GP2: variants seen among roughly 807,000 people sequenced by gnomAD.
The protein encoded by GP2 is glycoprotein 2, also known as pancreatic secretory granule membrane major glycoprotein GP2.
Under a neutral mutation model 60.8 loss-of-function variants are expected in GP2, and 58 were observed. The observed-to-expected ratio is 0.95, with a 90% CI of 0.77 to 1.19. The LOEUF (loss-of-function observed/expected upper bound fraction) is 1.19, where lower values mean the gene tolerates loss of function less well. Among genes scored for constraint, GP2 ranks in the 50% most tolerant of loss-of-function variants. GP2 has a pLI of 0.00. For missense variants in GP2, 647 were observed against 667.4 expected (o/e 0.97, Z 0.34); for synonymous variants, 280 against 253.4 (o/e 1.10, Z -1.00).
In GP2 at chr16:20,319,636, A is replaced by G. The variant is rs780881412; in HGVS notation, c.991T>C (p.Leu331=). The part of the protein sequence containing the change: ...LDMKVSLQAA[L]QPIVSSLNVS... Reference sequence around the variant, plus strand: ...ATGCCATACCTTACAATGGGCTGCAAGGCAGCTTGGAGGCTGACTTTCATG... The same window carrying G: ...ATGCCATACCTTACAATGGGCTGCAGGGCAGCTTGGAGGCTGACTTTCATG... The change falls in exon 6 of 11, where the codon TTG becomes CTG. Residue 331 remains leucine, a synonymous_variant. Transcript: ENST00000302555. 1.9e-6 allele frequency: 3 copies of G among 1,612,888 alleles called. No individual in the cohort carries two copies. The highest frequency in any genetic ancestry group is 2.5e-6 in the Non-Finnish European group (3 of 1,178,824).
At chr16:20,322,444 T>C (rs1964392251) in intron 4 of GP2, among the ~76,000 whole-genome samples, 1 of 152,082 alleles carries the variant, frequency 6.6e-6, no homozygotes, top group South Asian at 2.1e-4. Flanking sequence ...GTATGGTGGG[T>C]ATTATTATTA....
chr16:20,320,208 G>A (rs1476107312), intron 5 of GP2, 54 bp downstream of exon 5: 3 of 1,269,726 alleles, frequency 2.4e-6, no homozygotes, highest in Non-Finnish European at 3.5e-6. Flanking sequence ...ACTATGATAG[G>A]TCCCATCAGC....
intron 4 of GP2, among the ~76,000 whole-genome samples, chr16:20,320,738 A>G (rs924636951): frequency 6.6e-6 from 1 of 152,164 alleles, no homozygotes; most frequent in African/African-American, 2.4e-5. Flanking sequence ...GGGAGGCAGG[A>G]TGGACTTGCA....
chr16:20,318,943 G>A (rs1359629720), intron 6 of GP2, among the ~76,000 whole-genome samples: 1 of 152,168 alleles, frequency 6.6e-6, no homozygotes, highest in Non-Finnish European at 1.5e-5. Flanking sequence ...TAGGGAATGA[G>A]ACGGGCACTC....
intron 10 of GP2, 58 bp downstream of exon 10, chr16:20,314,599 T>A: frequency 8.4e-7 from 1 of 1,196,906 alleles, no homozygotes; most frequent in African/African-American, 1.5e-5. Flanking sequence ...AGGGGCAGAA[T>A]TGAAAAGAGA....
chr16:20,316,443 G>A (rs765386459), intron 8 of GP2, among the ~76,000 whole-genome samples: 5 of 152,182 alleles, frequency 3.3e-5, no homozygotes, highest in African/African-American at 4.8e-5. Flanking sequence ...GCCACCTCTC[G>A]GCTGGGGCAC....
intron 4 of GP2, among the ~76,000 whole-genome samples, chr16:20,321,875 A>G (rs920921184): frequency 6.6e-5 from 10 of 152,206 alleles, no homozygotes; most frequent in Non-Finnish European, 1.3e-4. Context: ...TCACTCAGTC[A>G]GCTGAGACTG....
chr16:20,322,739 A>G (rs891612248), intron 4 of GP2, 130 bp downstream of exon 4: 2 of 585,360 alleles, frequency 3.4e-6, no homozygotes, highest in South Asian at 4.5e-5. Context: ...TGGATTGGAG[A>G]GCCCACATTC....
chr16:20,312,801 C>T (rs571848562), intron 10 of GP2, among the ~76,000 whole-genome samples: 63 of 152,236 alleles, frequency 4.1e-4, no homozygotes, highest in South Asian at 1.5e-3. Context: ...CAGGCATGCA[C>T]CACCATGCCC....
At chr16:20,321,213 C>T in intron 4 of GP2, among the ~76,000 whole-genome samples, 1 of 152,044 alleles carries the variant, frequency 6.6e-6, no homozygotes, top group East Asian at 1.9e-4. Flanking sequence ...CAGGCATGAG[C>T]CACCACACCT....
intron 8 of GP2, among the ~76,000 whole-genome samples, 174 bp downstream of exon 8, chr16:20,317,034 TCCTTC>T (rs1163780364): frequency 2.8e-5 from 4 of 144,186 alleles, no homozygotes; most frequent in Admixed American, 7.0e-5. Flanking sequence ...CTTCTGTCCA[TCCTTC>T]CCTTCCCTTC....
At position 20,310,995 on chromosome 16, in the gene GP2, G is replaced by A; in HGVS notation, c.*228C>T. On this transcript the variant is annotated 3_prime_UTR_variant, in exon 11 of 11. Coordinates refer to ENST00000302555, the MANE Select transcript of GP2 (RefSeq NM_001502.4). ...TGATTTTGAACTGCTGACCTCAGGT[G>A]ATCCACCTGCCTCAGCCTCCCAAAA... 1 of 368,260 alleles carries A rather than the reference G, an allele frequency of 2.7e-6. No individual in the cohort carries two copies. The highest frequency in any genetic ancestry group is 5.1e-6 in the Non-Finnish European group (1 of 196,116). 22.8% of individuals were successfully genotyped at this position (368,260 alleles called of 1,614,324 possible).
At chr16:20,317,435 G>A in intron 7 of GP2, 60 bp from the exon 8 acceptor site, 1 of 1,325,370 alleles carries the variant, frequency 7.5e-7, no homozygotes, top group Non-Finnish European at 1.1e-6. Context: ...GAAAATTAAA[G>A]AGTCCCTCGG....
Position 20,326,420 on chromosome 16 carries a change from A to G in GP2, c.12T>C (p.Leu4=). ...GGCCAGAGCCCACCATCCTTTCCAT[A>G]AGGTGAGGCATGCAGGTCACTTTGC... MPH[L]MERMVGSGLL... Residue 4 remains leucine (L), a synonymous_variant, in exon 2 of 11, where the codon CTT becomes CTC. Coordinates refer to ENST00000302555, the MANE Select transcript of GP2 (RefSeq NM_001502.4). 6.2e-7 allele frequency: 1 copy of G among 1,612,674 alleles called. No individual in the cohort carries two copies. Among genetic ancestry groups the G allele is most frequent in the South Asian group, 1.1e-5 (1 of 91,052 alleles).
chr16:20,320,642 G>A (rs79574912), intron 4 of GP2, among the ~76,000 whole-genome samples, 169 bp from the exon 5 acceptor site: 1,729 of 152,288 alleles, frequency 0.011, 23 homozygotes, highest in South Asian at 0.017. Flanking sequence ...GGCAAAGGGG[G>A]CCCCTCATTC....
rs767242108 is a variant in GP2, at chr16:20,327,281, C to T, written c.-37+186G>A. ...GGTGGCGTCCGTAGGCCTGGAGCAT[C>T]GCAGATGACTGGAAGCATGACTGAG... On this transcript the variant is annotated intron_variant, in intron 1 of 10. Coordinates refer to ENST00000302555, the MANE Select transcript of GP2 (RefSeq NM_001502.4). 19 of 353,852 alleles carry T rather than the reference C, an allele frequency of 5.4e-5. No homozygotes were observed. The Admixed American group carries it at 5.7e-4, about 11-fold the overall frequency. 21.9% of individuals were successfully genotyped at this position (353,852 alleles called of 1,614,324 possible). A position where few individuals can be genotyped will look rare whatever the true frequency, so the allele number is the denominator to read the frequency against.
At chr16:20,317,414 A>C (rs1964218019) in intron 7 of GP2, 39 bp from the exon 8 acceptor site, 2 of 1,532,482 alleles carry the variant, frequency 1.3e-6, no homozygotes, top group East Asian at 2.3e-5. Context: ...ACTTCTAAAA[A>C]CAGCAGTGGA....
At chr16:20,323,542 T>G in intron 3 of GP2, 1 of 572,014 alleles carries the variant, frequency 1.7e-6, no homozygotes. Context: ...CAAATTAAAC[T>G]TCTCAAATGG....
intron 10 of GP2, 24 bp from the exon 11 acceptor site, chr16:20,311,305 T>A (rs994813150): frequency 2.0e-6 from 3 of 1,491,350 alleles, no homozygotes; most frequent in Non-Finnish European, 2.8e-6. Flanking sequence ...AATATGACTG[T>A]CAAGTGTTGG....
Sources: allele counts gnomAD v4.1 joint callset (sites outside exome capture counted in the v4.1 genomes callset), GRCh38; gene constraint gnomAD v4.1.1; transcripts MANE v1.5; gene names NCBI Gene and HGNC (gene_info 2026-07-23, HGNC 2026-07-21).